Variants in SBSPON observed in about 807,000 individuals in gnomAD.
The protein encoded by SBSPON is somatomedin-B and thrombospondin type-1 domain-containing protein.
In SBSPON, 30 loss-of-function variants were observed where a neutral mutation model predicts 35.8. That is an observed-to-expected ratio of 0.84 (90% CI 0.63 to 1.14). The LOEUF (loss-of-function observed/expected upper bound fraction) is 1.14. Ranked by LOEUF, SBSPON falls within the 50% of genes most tolerant of loss-of-function variation. SBSPON has a pLI of 0.00. For synonymous variants in SBSPON, 136 were observed against 135.9 expected (o/e 1.00, Z 0.00); for missense variants, 364 against 357.7 (o/e 1.02, Z -0.14).
At chr8:73,069,061 ACT>A (rs1810444668) in intron 4 of SBSPON, among the ~76,000 whole-genome samples, 2 of 151,896 alleles carry the variant, frequency 1.3e-5, no homozygotes, top group African/African-American at 4.8e-5. Flanking sequence ...AAAAATATCT[ACT>A]CTCTGGCCCT....
At chr8:73,069,776 A>G in intron 4 of SBSPON, 29 bp downstream of exon 4, 1 of 1,586,798 alleles carries the variant, frequency 6.3e-7, no homozygotes, top group Non-Finnish European at 8.7e-7. Flanking sequence ...AGTGACAAGA[A>G]AAGTACTTCA....
chr8:73,068,662 A>T (rs1810436448), intron 4 of SBSPON, among the ~76,000 whole-genome samples: 1 of 152,198 alleles, frequency 6.6e-6, no homozygotes, highest in Non-Finnish European at 1.5e-5. Context: ...TTTATATAAG[A>T]TTATTATACC....
At chr8:73,079,296 C>T (rs1358845673) in intron 2 of SBSPON, among the ~76,000 whole-genome samples, 2 of 152,026 alleles carry the variant, frequency 1.3e-5, no homozygotes, top group Non-Finnish European at 2.9e-5. Context: ...ACATTTAAGG[C>T]CCCTTTCCAA....
chr8:73,072,013 C>T, intron 2 of SBSPON, 143 bp from the exon 3 acceptor site: 1 of 624,846 alleles, frequency 1.6e-6, no homozygotes, highest in Non-Finnish European at 2.9e-6. Context: ...GAAATGAGGC[C>T]AAGTTACAAA....
At chr8:73,079,170 C>A (rs983559322) in intron 2 of SBSPON, among the ~76,000 whole-genome samples, 4 of 152,054 alleles carry the variant, frequency 2.6e-5, no homozygotes, top group Admixed American at 2.6e-4. Flanking sequence ...TGAAACTATA[C>A]CCAGCATCTG....
At chr8:73,069,198 T>C (rs1006894908) in intron 4 of SBSPON, among the ~76,000 whole-genome samples, 17 of 152,284 alleles carry the variant, frequency 1.1e-4, no homozygotes, top group African/African-American at 4.1e-4. Context: ...TCTCACGAGA[T>C]TCTGATTCTA....
At chr8:73,087,286 C>A (rs1431572438) in intron 1 of SBSPON, among the ~76,000 whole-genome samples, 1 of 152,096 alleles carries the variant, frequency 6.6e-6, no homozygotes, top group Non-Finnish European at 1.5e-5. Context: ...GACAAGTTAC[C>A]CAACCTGTCT....
At chr8:73,082,353 A>G (rs1810723987) in intron 1 of SBSPON, among the ~76,000 whole-genome samples, 1 of 152,184 alleles carries the variant, frequency 6.6e-6, no homozygotes, top group Non-Finnish European at 1.5e-5. Context: ...CCGCTTTCCT[A>G]TCATCCTCAC....
intron 1 of SBSPON, among the ~76,000 whole-genome samples, chr8:73,090,950 T>C (rs1000948949): frequency 2.6e-5 from 4 of 152,220 alleles, no homozygotes; most frequent in Non-Finnish European, 5.9e-5. Flanking sequence ...CAATTTCTTT[T>C]TGACCAAATA....
intron 2 of SBSPON, among the ~76,000 whole-genome samples, chr8:73,078,667 T>C (rs1810640102): frequency 6.6e-6 from 1 of 152,178 alleles, no homozygotes; most frequent in African/African-American, 2.4e-5. Context: ...ACATCCATAA[T>C]GTCCTACAGT....
intron 2 of SBSPON, among the ~76,000 whole-genome samples, chr8:73,075,260 G>T (rs540301282): frequency 3.8e-4 from 58 of 152,298 alleles, no homozygotes; most frequent in Non-Finnish European, 6.9e-4. Context: ...GGTACCCAGG[G>T]CTGTCCCCAG....
chr8:73,068,951 G>C (rs1433916647), intron 4 of SBSPON, among the ~76,000 whole-genome samples: 2 of 152,112 alleles, frequency 1.3e-5, no homozygotes, highest in African/African-American at 4.8e-5. Context: ...ATAAAGTTTT[G>C]TTAGAACAAA....
chr8:73,067,400 T>C lies in SBSPON; in HGVS notation c.736A>G (p.Lys246Glu). ...GNPRCQGTWK[K>E]VRRVDQCSCP... ...GAACACTGGTCTACTCGCCGAACTTTTTTCCAAGTTCCTTGACACCGAGGA... is the reference window on the plus strand; with the variant it reads ...GAACACTGGTCTACTCGCCGAACTTCTTTCCAAGTTCCTTGACACCGAGGA... Residue 246 changes from lysine to glutamate, a missense_variant, in exon 5 of 5, where the codon AAA becomes GAA. Physicochemically the swap from Lys to Glu is moderately conservative, Grantham distance 56 (BLOSUM62 1). Coordinates refer to ENST00000297354, the MANE Select transcript of SBSPON (RefSeq NM_153225.4). 6.2e-7 allele frequency: 1 copy of C among 1,612,562 alleles called. No homozygotes were observed. The highest frequency in any genetic ancestry group is 1.1e-5 in the South Asian group (1 of 91,018).
chr8:73,088,729 G>T (rs1456405238), intron 1 of SBSPON, among the ~76,000 whole-genome samples: 1 of 152,176 alleles, frequency 6.6e-6, no homozygotes, highest in South Asian at 2.1e-4. Flanking sequence ...AGGCAGAATG[G>T]TTCTATGAGT....
Position 73,093,154 on chromosome 8 carries a change from C to G in SBSPON, c.-87G>C, listed in dbSNP as rs1225739834. Reference sequence around the variant, plus strand: ...GGCTGGCCGCGGCCCGGGAGCTGCCCGAGCGGCCGGCGAGGCACAGCCGGG... The same window carrying G: ...GGCTGGCCGCGGCCCGGGAGCTGCCGGAGCGGCCGGCGAGGCACAGCCGGG... On this transcript the variant is annotated 5_prime_UTR_variant, in exon 1 of 5. Coordinates refer to ENST00000297354, the MANE Select transcript of SBSPON (RefSeq NM_153225.4). 4.5e-6 allele frequency: 3 copies of G among 674,070 alleles called. No individual in the cohort carries two copies. The highest frequency in any genetic ancestry group is 4.9e-5 in the Admixed American group (1 of 20,470). The allele number at this position is 674,070 out of a possible 1,614,324, so 41.8% of individuals were successfully genotyped here. A position where few individuals can be genotyped will look rare whatever the true frequency, so the allele number is the denominator to read the frequency against.
chr8:73,076,654 A>G (rs1181344297), intron 2 of SBSPON, among the ~76,000 whole-genome samples: 2 of 151,912 alleles, frequency 1.3e-5, no homozygotes, highest in African/African-American at 4.8e-5. Context: ...CTTATATGAA[A>G]AGAAAAAAAA....
chr8:73,074,560 C>A lies in SBSPON; in HGVS notation c.410-2690G>T, dbSNP rs1810555246. On this transcript the variant is annotated intron_variant, in intron 2 of 4. Transcript: ENST00000297354. ...GCCAGGCAACGTCTCCGAAATCAAACTCCTCAGGGCGGCACTCCACTGCCT... is the reference window on the plus strand; with the variant it reads ...GCCAGGCAACGTCTCCGAAATCAAAATCCTCAGGGCGGCACTCCACTGCCT... 3.0e-6 allele frequency: 3 copies of A among 983,844 alleles called. No individual in the cohort carries two copies. The Admixed American group carries it at 1.8e-4, about 60-fold the overall frequency. The allele number at this position is 983,844 out of a possible 1,614,324, so 60.9% of individuals were successfully genotyped here. A position where few individuals can be genotyped will look rare whatever the true frequency, so the allele number is the denominator to read the frequency against.
At chr8:73,068,325 T>C (rs1427779123) in intron 4 of SBSPON, among the ~76,000 whole-genome samples, 1 of 152,222 alleles carries the variant, frequency 6.6e-6, no homozygotes, top group Non-Finnish European at 1.5e-5. Flanking sequence ...GTGTGCTCAA[T>C]GGAGGCCATG....
chr8:73,070,063 C>T (rs1381294896), intron 3 of SBSPON, 82 bp from the exon 4 acceptor site: 3 of 852,480 alleles, frequency 3.5e-6, no homozygotes, highest in African/African-American at 1.7e-5. Context: ...AGCCTGTCAC[C>T]TCCAAGGGCA....
Sources: allele counts gnomAD v4.1 joint callset (sites outside exome capture counted in the v4.1 genomes callset), GRCh38; gene constraint gnomAD v4.1.1; transcripts MANE v1.5; gene names NCBI Gene and HGNC (gene_info 2026-07-23, HGNC 2026-07-21).